The following TRMT9B variants were observed in gnomAD, a reference collection of about 807,000 sequenced individuals.
TRMT9B encodes the protein tRNA methyltransferase 9B (putative).
Under a neutral mutation model 11.5 loss-of-function variants are expected in TRMT9B, and 16 were observed. The ratio of observed to expected loss-of-function variants is 1.39; its 90% confidence interval spans 0.94 to 2.11. The LOEUF is 2.11. Among genes scored for constraint, TRMT9B ranks in the 30% most tolerant of loss-of-function variants. The probability of loss-of-function intolerance (pLI) is 0.00; values close to 1 mark genes in which losing one functional copy is unlikely to be tolerated. For missense variants in TRMT9B, 941 were observed against 553.8 expected, an observed-to-expected ratio of 1.70 and a Z score of -7.02; for synonymous variants, 274 against 192.4, an observed-to-expected ratio of 1.42 and a Z score of -3.51.
chr8:12,959,640 C>T lies in TRMT9B; in HGVS notation c.-200+13674C>T, dbSNP rs186220557. The stretch of plus-strand genomic sequence containing the variant: ...GCTCAAATGATCCTCCTGCCTCAGC[C>T]GCCCAAGTAGCCGGGGCTACAGGTT... On this transcript the variant is annotated intron_variant, in intron 1 of 4. Transcript: ENST00000524591. Among the ~76,000 whole-genome samples, 7 of 150,152 alleles carry T rather than the reference C, an allele frequency of 4.7e-5. No homozygotes were observed. In the East Asian group the frequency reaches 8.1e-4, roughly 17 times the overall value.
At chr8:12,951,266 C>G (rs193051082) in intron 1 of TRMT9B, 3 of 152,322 alleles carry the variant, frequency 2.0e-5, no homozygotes, top group Admixed American at 6.5e-5. Flanking sequence ...CTTAACCCCC[C>G]CATCTCCAGT....
chr8:12,997,495 C>T (rs1808577091), intron 2 of TRMT9B, among the ~76,000 whole-genome samples: 1 of 152,108 alleles, frequency 6.6e-6, no homozygotes, highest in African/African-American at 2.4e-5. Flanking sequence ...TATAAATTAC[C>T]CAGGCTCAGG....
chr8:12,973,264 T>A (rs535225516), intron 1 of TRMT9B, among the ~76,000 whole-genome samples: 1 of 152,204 alleles, frequency 6.6e-6, no homozygotes, highest in Non-Finnish European at 1.5e-5. Context: ...TAGGAAGATT[T>A]TTTTTGGCAT....
chr8:12,996,043 G>T (rs1808277658), intron 2 of TRMT9B, among the ~76,000 whole-genome samples: 1 of 152,142 alleles, frequency 6.6e-6, no homozygotes, highest in South Asian at 2.1e-4. Context: ...AGAGAATGAA[G>T]GTAAGCAGCA....
chr8:12,985,990 C>T (rs1356075595), intron 1 of TRMT9B, among the ~76,000 whole-genome samples: 1 of 151,986 alleles, frequency 6.6e-6, no homozygotes, highest in Non-Finnish European at 1.5e-5. Context: ...GCCTCCTGAG[C>T]AGCTGGGATT....
At chr8:12,989,110 C>T (rs10109366) in intron 1 of TRMT9B, among the ~76,000 whole-genome samples, 3,733 of 152,016 alleles carry the variant, frequency 0.025, 155 homozygotes, top group African/African-American at 0.085. Flanking sequence ...GGCTTTGCCC[C>T]TGAGCCATGG....
At chr8:12,979,352 C>T (rs555615245) in intron 1 of TRMT9B, among the ~76,000 whole-genome samples, 1 of 152,192 alleles carries the variant, frequency 6.6e-6, no homozygotes, top group African/African-American at 2.4e-5. Context: ...GCTGCCTTAG[C>T]ACTACAGCTT....
intron 1 of TRMT9B, among the ~76,000 whole-genome samples, chr8:12,970,889 G>A (rs931365287): frequency 2.0e-5 from 3 of 152,190 alleles, no homozygotes; most frequent in African/African-American, 7.2e-5. Context: ...CGAAAGTTCT[G>A]TTGTGATTTG....
intron 3 of TRMT9B, among the ~76,000 whole-genome samples, chr8:13,008,914 G>C (rs1811026532): frequency 6.6e-6 from 1 of 152,094 alleles, no homozygotes; most frequent in Non-Finnish European, 1.5e-5. Context: ...ATTTTTAGTA[G>C]AGACGGAGTT....
Position 12,990,835 on chromosome 8 carries a change from G to T in TRMT9B, c.-198G>T, listed in dbSNP as rs904608513. 1 of 1,288,698 alleles carries T rather than the reference G, an allele frequency of 7.8e-7. No homozygotes were observed. Among genetic ancestry groups the T allele is most frequent in the Non-Finnish European group, 1.0e-6 (1 of 987,908 alleles). The allele number at this position is 1,288,698 out of a possible 1,614,324, so 79.8% of individuals were successfully genotyped here. On this transcript the variant is annotated splice_region_variant and 5_prime_UTR_variant, in exon 2 of 5. Coordinates refer to ENST00000524591, the MANE Select transcript of TRMT9B (RefSeq NM_020844.3). ...TAGTATTTGTTTTCTTCCTGATAGG[G>T]CCTGTGCTTCCTTCAGAGACTCACA...
At position 13,028,958 on chromosome 8, in the gene TRMT9B, A is replaced by G. The variant is rs1815046776; in HGVS notation, c.*6914A>G. The G allele has an allele frequency of 6.0e-6, 1 of 167,074 alleles. No homozygotes were observed. The highest frequency in any genetic ancestry group is 1.9e-4 in the East Asian group (1 of 5,182). 10.3% of individuals were successfully genotyped at this position (167,074 alleles called of 1,614,324 possible). A position where few individuals can be genotyped will look rare whatever the true frequency, so the allele number is the denominator to read the frequency against. On this transcript the variant is annotated 3_prime_UTR_variant, in exon 5 of 5. Transcript: ENST00000524591. ...AGGCTCACTAATGTGGACCTAAGTG[A>G]GTATCTGAGAGGCTTTGAATATGTA...
intron 1 of TRMT9B, among the ~76,000 whole-genome samples, chr8:12,963,819 G>A (rs188127496): frequency 6.6e-6 from 1 of 152,348 alleles, no homozygotes; most frequent in Admixed American, 6.5e-5. Context: ...AGCTGTGCCT[G>A]AGTAGCTCCT....
Position 13,021,825 on chromosome 8 carries a change from T to A in TRMT9B, c.1146T>A (p.Val382=), listed in dbSNP as rs608909. Residue 382 remains valine, a synonymous_variant, in exon 5 of 5, where the codon GTT becomes GTA. Coordinates refer to ENST00000524591, the MANE Select transcript of TRMT9B (RefSeq NM_020844.3). ...AAATATTGAGAAGGATTTCTGCAGT[T>A]GATTCCACAGATTTCAACCCAGATG... ...ASKILRRISA[V]DSTDFNPDDT... 1.2e-6 allele frequency: 2 copies of A among 1,613,292 alleles called. No homozygotes were observed. Among genetic ancestry groups the A allele is most frequent in the African/African-American group, 1.3e-5 (1 of 74,846 alleles).
intron 2 of TRMT9B, among the ~76,000 whole-genome samples, chr8:13,001,861 T>C (rs1266592896): frequency 6.6e-6 from 1 of 152,190 alleles, no homozygotes; most frequent in Non-Finnish European, 1.5e-5. Context: ...TTAGGAATCC[T>C]GGCTAATCCA....
chr8:13,000,419 G>C lies in TRMT9B; in HGVS notation c.-1-5783G>C, dbSNP rs76162076. On this transcript the variant is annotated intron_variant, in intron 2 of 4. Transcript: ENST00000524591. ...TGCCAGGCCACTAACTCTCCTGTTA[G>C]TTTTCTGTCACTTTCTGTCCTCTCT... 2.9e-3 allele frequency among the ~76,000 whole-genome samples: 443 copies of C among 152,270 alleles called. 2 individuals are homozygous for C. The highest frequency in any genetic ancestry group is 0.01 in the African/African-American group (427 of 41,558).
chr8:12,998,513 C>G (rs1211936388), intron 2 of TRMT9B, among the ~76,000 whole-genome samples: 1 of 152,216 alleles, frequency 6.6e-6, no homozygotes, highest in East Asian at 1.9e-4. Context: ...GTTCCCATCA[C>G]AAACAAATGA....
chr8:12,987,573 C>T (rs933797503), intron 1 of TRMT9B, among the ~76,000 whole-genome samples: 1 of 151,934 alleles, frequency 6.6e-6, no homozygotes, highest in South Asian at 2.1e-4. Flanking sequence ...GCCTATAGTC[C>T]CAGATACTTG....
At chr8:12,958,148 A>G (rs998520895) in intron 1 of TRMT9B, among the ~76,000 whole-genome samples, 3 of 152,178 alleles carry the variant, frequency 2.0e-5, no homozygotes, top group African/African-American at 7.2e-5. Flanking sequence ...CATCCATGTT[A>G]TAGTGTATAT....
In TRMT9B at chr8:13,029,234, T is replaced by C. The variant is rs1466020239; in HGVS notation, c.*7190T>C. ...AGGGAAATTTAGAACAATTATTAGA[T>C]GTTATAGTGCCTCTTCTCGTGTTGA... is the stretch of plus-strand genomic sequence containing the variant. On this transcript the variant is annotated 3_prime_UTR_variant, in exon 5 of 5. Transcript: ENST00000524591. 1.2e-5 allele frequency: 2 copies of C among 167,032 alleles called. No homozygotes were observed. The highest frequency in any genetic ancestry group is 4.8e-5 in the African/African-American group (2 of 41,454). 10.3% of individuals were successfully genotyped at this position (167,032 alleles called of 1,614,324 possible).
Sources: allele counts gnomAD v4.1 joint callset (sites outside exome capture counted in the v4.1 genomes callset), GRCh38; gene constraint gnomAD v4.1.1; transcripts MANE v1.5; gene names NCBI Gene and HGNC (gene_info 2026-07-23, HGNC 2026-07-21).